PHLPP1: variants seen among roughly 807,000 people sequenced by gnomAD.
The protein encoded by PHLPP1 is PH domain leucine-rich repeat-containing protein phosphatase 1.
PHLPP1 carries 42 observed loss-of-function variants against 117.2 expected under a neutral mutation model. That is an observed-to-expected ratio of 0.36 (90% CI 0.28 to 0.46). The LOEUF is 0.46. Ranked by LOEUF, PHLPP1 falls within the 20% of genes least tolerant of loss-of-function variation. PHLPP1 has a pLI of 1.00. For missense variants in PHLPP1, 2,084 were observed against 2,241.9 expected (o/e 0.93, Z 1.42); for synonymous variants, 1,042 against 970.7 (o/e 1.07, Z -1.37).
rs3084217 is a variant in PHLPP1, at chr18:62,898,015, C to CTTCTCCTCTTTCTCCTCT, written c.2444+2007_2444+2024dup. Reference sequence around the variant, plus strand: ...TGGCATCATTAATAATTCCTCCTCCCTTCTCCTCTTTCTCCTCTTTGTACA... The same window carrying CTTCTCCTCTTTCTCCTCT: ...TGGCATCATTAATAATTCCTCCTCCCTTCTCCTCTTTCTCCTCTTTCTCCTCTTTCTCCTCTTTGTACA... On this transcript the variant is annotated intron_variant, in intron 6 of 16. Coordinates refer to ENST00000262719, the MANE Select transcript of PHLPP1 (RefSeq NM_194449.4). Among the ~76,000 whole-genome samples the CTTCTCCTCTTTCTCCTCT allele has an allele frequency of 2.1e-3, 298 of 144,504 alleles. 11 individuals are homozygous for CTTCTCCTCTTTCTCCTCT. Among genetic ancestry groups the CTTCTCCTCTTTCTCCTCT allele is most frequent in the Middle Eastern group, 7.1e-3 (2 of 282 alleles). The allele number at this position is 144,504 out of a possible 152,430, so 94.8% of individuals were successfully genotyped here.
At chr18:62,977,291 T>C (rs565835740) in intron 16 of PHLPP1, among the ~76,000 whole-genome samples, 49 of 152,178 alleles carry the variant, frequency 3.2e-4, no homozygotes, top group Non-Finnish European at 6.2e-4. Context: ...GAAGAAACAC[T>C]TTGTCATCCC....
In PHLPP1 at chr18:62,715,804, C is replaced by A; in HGVS notation, c.121C>A (p.Leu41Met). 1 of 757,890 alleles carries A rather than the reference C, an allele frequency of 1.3e-6. No homozygotes were observed. The allele number at this position is 757,890 out of a possible 1,614,324, so 46.9% of individuals were successfully genotyped here. A position where few individuals can be genotyped will look rare whatever the true frequency, so the allele number is the denominator to read the frequency against. ...AAAAAAAAAA[L>M]AAAAGGGRSP... Reference sequence around the variant, plus strand: ...AGCAGCAGCGGCGGCCGCGGCGGCTCTGGCGGCGGCGGCCGGGGGCGGCCG... The same window carrying A: ...AGCAGCAGCGGCGGCCGCGGCGGCTATGGCGGCGGCGGCCGGGGGCGGCCG... Residue 41 changes from leucine (L) to methionine (M), a missense_variant, in exon 1 of 17, where the codon CTG (leucine) becomes ATG (methionine). Transcript: ENST00000262719.
chr18:62,833,325 C>T (rs576855497), intron 2 of PHLPP1, among the ~76,000 whole-genome samples: 4 of 152,316 alleles, frequency 2.6e-5, no homozygotes, highest in Admixed American at 6.5e-5. Context: ...CCGCCTGCTT[C>T]GGCCTCCCAT....
At chr18:62,823,421 G>A (rs1188009160) in intron 1 of PHLPP1, among the ~76,000 whole-genome samples, 2 of 151,770 alleles carry the variant, frequency 1.3e-5, no homozygotes, top group Admixed American at 1.3e-4. Flanking sequence ...AAAACTAGCC[G>A]GGCATGGTGG....
chr18:62,926,183 G>T (rs1909623357), intron 10 of PHLPP1, among the ~76,000 whole-genome samples: 1 of 152,004 alleles, frequency 6.6e-6, no homozygotes, highest in Admixed American at 6.6e-5. Flanking sequence ...TACTATGAAG[G>T]GGAAGAGAAT....
intron 14 of PHLPP1, among the ~76,000 whole-genome samples, chr18:62,971,332 A>G (rs1195613550): frequency 6.6e-6 from 1 of 151,230 alleles, no homozygotes; most frequent in African/African-American, 2.4e-5. Context: ...GTTTGAAGTT[A>G]TCCCACCACT....
chr18:62,723,605 A>C (rs1025292630), intron 1 of PHLPP1, among the ~76,000 whole-genome samples: 1 of 152,012 alleles, frequency 6.6e-6, no homozygotes, highest in African/African-American at 2.4e-5. Flanking sequence ...AATGTGTTAG[A>C]GTGTTTGGGC....
At chr18:62,877,760 G>A (rs1041771252) in intron 4 of PHLPP1, among the ~76,000 whole-genome samples, 1 of 152,302 alleles carries the variant, frequency 6.6e-6, no homozygotes, top group African/African-American at 2.4e-5. Flanking sequence ...AAGCAGAGCC[G>A]GCAGGTGGTG....
intron 10 of PHLPP1, among the ~76,000 whole-genome samples, chr18:62,924,986 A>G (rs1235687300): frequency 6.6e-6 from 1 of 151,948 alleles, no homozygotes; most frequent in Non-Finnish European, 1.5e-5. Context: ...CTTCCTCTAA[A>G]TACTTGAGGA....
At chr18:62,767,896 A>T (rs1476918498) in intron 1 of PHLPP1, among the ~76,000 whole-genome samples, 1 of 152,192 alleles carries the variant, frequency 6.6e-6, no homozygotes, top group Admixed American at 6.5e-5. Context: ...TCATCCACAA[A>T]GTGGTTTGGA....
At chr18:62,890,759 G>C (rs1916386080) in intron 4 of PHLPP1, among the ~76,000 whole-genome samples, 1 of 152,110 alleles carries the variant, frequency 6.6e-6, no homozygotes, top group Non-Finnish European at 1.5e-5. Context: ...GTAATTACTA[G>C]CTCTGCAGCC....
At chr18:62,724,997 C>A (rs1911025973) in intron 1 of PHLPP1, among the ~76,000 whole-genome samples, 1 of 152,050 alleles carries the variant, frequency 6.6e-6, no homozygotes, top group Non-Finnish European at 1.5e-5. Context: ...AGAAAAAAAT[C>A]ATTGAATTAA....
At chr18:62,794,513 G>C (rs1381650286) in intron 1 of PHLPP1, among the ~76,000 whole-genome samples, 3 of 151,918 alleles carry the variant, frequency 2.0e-5, no homozygotes, top group Non-Finnish European at 2.9e-5. Flanking sequence ...GACTACAGCT[G>C]CACATCACCA....
intron 1 of PHLPP1, among the ~76,000 whole-genome samples, chr18:62,770,442 A>G (rs532788192): frequency 1.3e-5 from 2 of 152,330 alleles, no homozygotes; most frequent in African/African-American, 4.8e-5. Context: ...CTTGCAATCC[A>G]GTAACAACCA....
At chr18:62,874,582 C>T (rs992890080) in intron 4 of PHLPP1, among the ~76,000 whole-genome samples, 4 of 152,300 alleles carry the variant, frequency 2.6e-5, no homozygotes, top group Non-Finnish European at 4.4e-5. Flanking sequence ...GAGCTTCTCC[C>T]GGCAGCTAAG....
chr18:62,826,497 G>A (rs1914616576), intron 1 of PHLPP1, among the ~76,000 whole-genome samples: 1 of 152,068 alleles, frequency 6.6e-6, no homozygotes, highest in Non-Finnish European at 1.5e-5. Flanking sequence ...TAGAGGTTTT[G>A]CTTTATATGG....
At chr18:62,841,549 G>C (rs1048223344) in intron 3 of PHLPP1, among the ~76,000 whole-genome samples, 4 of 151,636 alleles carry the variant, frequency 2.6e-5, no homozygotes, top group African/African-American at 4.8e-5. Flanking sequence ...GGCAAGGCTA[G>C]TGTCCAACTC....
intron 4 of PHLPP1, among the ~76,000 whole-genome samples, chr18:62,868,526 G>A (rs933973913): frequency 2.0e-5 from 3 of 151,368 alleles, no homozygotes; most frequent in Admixed American, 6.6e-5. Flanking sequence ...GGAGGCTAAG[G>A]CAAGAGAATC....
At chr18:62,828,137 C>T (rs925158944) in intron 1 of PHLPP1, among the ~76,000 whole-genome samples, 3 of 152,116 alleles carry the variant, frequency 2.0e-5, no homozygotes, top group Non-Finnish European at 2.9e-5. Context: ...TTTAGTCCTT[C>T]ACTTGCTTTT....
Sources: gnomAD v4.1 joint callset for allele counts (sites outside exome capture counted in the v4.1 genomes callset) on GRCh38, gnomAD v4.1.1 for gene constraint, MANE v1.5 for transcripts, NCBI Gene and HGNC (gene_info 2026-07-23, HGNC 2026-07-21) for gene names.